The following CELF2 variants were observed in gnomAD, a reference collection of about 807,000 sequenced individuals.
CELF2 encodes the protein CUGBP Elav-like family member 2.
A neutral mutation model predicts 62.6 loss-of-function variants in CELF2; 8 were observed. The ratio of observed to expected loss-of-function variants is 0.13; its 90% confidence interval spans 0.07 to 0.23. The LOEUF is 0.23. Among genes scored for constraint, CELF2 ranks in the 10% least tolerant of loss-of-function variants. The pLI is 1.00. For synonymous variants in CELF2, 258 were observed against 250.0 expected (o/e 1.03, Z -0.30); for missense variants, 333 against 671.0 (o/e 0.50, Z 5.56).
chr10:10,495,636 A>G, the CELF2 span, among the ~76,000 whole-genome samples: 1 of 152,198 alleles, frequency 6.6e-6, no homozygotes, highest in Admixed American at 6.5e-5. Flanking sequence ...TCAAAAGATA[A>G]AAATCTCTGG....
intron 6 of CELF2, 101 bp downstream of exon 6, chr10:11,266,778 T>G: frequency 1.2e-6 from 1 of 836,000 alleles, no homozygotes; most frequent in Non-Finnish European, 1.9e-6. Flanking sequence ...CAATCACAGA[T>G]GTAAACTTTC....
chr10:11,293,660 C>T (rs996575591), intron 9 of CELF2, among the ~76,000 whole-genome samples: 1 of 152,194 alleles, frequency 6.6e-6, no homozygotes, highest in African/African-American at 2.4e-5. Context: ...GTCTGCAGGA[C>T]GGTGATGTGG....
the CELF2 span, among the ~76,000 whole-genome samples, chr10:10,508,168 CA>C: frequency 0.48 from 70,955 of 148,974 alleles, 16,752 homozygotes; most frequent in East Asian, 0.63. Context: ...CAGACAAATA[CA>C]AAAAAAAAAA....
In CELF2 at chr10:11,309,578, G is replaced by A. The variant is rs1565912277; in HGVS notation, c.977-4561G>A. On this transcript the variant is annotated intron_variant, in intron 9 of 12. Coordinates refer to ENST00000633077, the MANE Select transcript of CELF2 (RefSeq NM_001326342.2). The surrounding 1 kb of genome is among the most constrained non-coding windows in gnomAD (Gnocchi z 5.6). ...TTCAGTTGTTTGCGCTATTATTTTT[G>A]GCCCAGGAGCATAAATTGTCCCCAC... Among the ~76,000 whole-genome samples, 1 of 151,994 alleles carries A rather than the reference G, an allele frequency of 6.6e-6. No homozygotes were observed.
intron 1 of CELF2, among the ~76,000 whole-genome samples, chr10:10,801,403 C>T (rs765338910): frequency 6.6e-6 from 1 of 152,166 alleles, no homozygotes; most frequent in African/African-American, 2.4e-5. Flanking sequence ...CTTCATTTAA[C>T]GGTTTACTTG....
Position 10,891,145 on chromosome 10 carries a change from G to C in CELF2, c.54-28819G>C, listed in dbSNP as rs564009058. Among the ~76,000 whole-genome samples, 9 of 152,242 alleles carry C rather than the reference G, an allele frequency of 5.9e-5. No individual in the cohort carries two copies. The South Asian group carries it at 1.7e-3, about 28-fold the overall frequency. On this transcript the variant is annotated intron_variant, in intron 1 of 13. Transcript: ENST00000636488. ...GATTAGACATACAGACTCCAGCTAA[G>C]AACAAATGTAAGTAATTTTTGGATT... is the stretch of plus-strand genomic sequence containing the variant.
chr10:10,768,290 A>G, the CELF2 span, among the ~76,000 whole-genome samples: 1 of 152,134 alleles, frequency 6.6e-6, no homozygotes, highest in Non-Finnish European at 1.5e-5. Context: ...GAATGTATCT[A>G]AATAGCATCT....
At position 10,995,862 on chromosome 10, in the gene CELF2, C is replaced by T. The variant is rs2053894500; in HGVS notation, c.89+75863C>T. On this transcript the variant is annotated intron_variant, in intron 2 of 13. Coordinates refer to the CELF2 transcript ENST00000636488. This position sits in a 1 kb window ranked among gnomAD's most constrained non-coding sequence, Gnocchi z 4.7. ...CTCTCTGACAATGTAAACTCATGGGCATTCTAGTTTCTATATATTTATGTT... is the reference window on the plus strand; with the variant it reads ...CTCTCTGACAATGTAAACTCATGGGTATTCTAGTTTCTATATATTTATGTT... 6.6e-6 allele frequency among the ~76,000 whole-genome samples: 1 copy of T among 152,090 alleles called. No individual in the cohort carries two copies. The highest frequency in any genetic ancestry group is 1.5e-5 in the Non-Finnish European group (1 of 68,018).
chr10:10,508,647 A>T, the CELF2 span, among the ~76,000 whole-genome samples: 1 of 148,600 alleles, frequency 6.7e-6, no homozygotes, highest in Non-Finnish European at 1.5e-5. Context: ...CCTCACCCAG[A>T]TTTCTTAAAC....
the CELF2 span, among the ~76,000 whole-genome samples, chr10:10,590,449 A>G: frequency 1.3e-5 from 2 of 152,362 alleles, no homozygotes; most frequent in African/African-American, 4.8e-5. Flanking sequence ...ACTGGAGAGT[A>G]AGTTGTATAA....
intron 1 of CELF2, among the ~76,000 whole-genome samples, chr10:10,804,112 A>G (rs2054954450): frequency 6.6e-6 from 1 of 152,214 alleles, no homozygotes; most frequent in Admixed American, 6.5e-5. Context: ...ATCTATATGT[A>G]GTGTTGAGGT....
At chr10:11,103,487 A>ATTTTTTTTTTTTTTTTTTTTT (rs3054364) in intron 1 of CELF2, among the ~76,000 whole-genome samples, 24 of 119,736 alleles carry the variant, frequency 2.0e-4, no homozygotes, top group African/African-American at 6.6e-4. Flanking sequence ...TTGTAGCCTG[A>ATTTTTTTTTTTTTTTTTTTTT]TTTTTTTTTT....
rs75062685 is a variant in CELF2, at chr10:10,995,161, C to A, written c.89+75162C>A. 6.8e-4 allele frequency among the ~76,000 whole-genome samples: 103 copies of A among 152,318 alleles called. 1 individual carries two copies. In the East Asian group the frequency reaches 0.017, roughly 25 times the overall value. Reference sequence around the variant, plus strand: ...TTAAGGGCAGGAGCTATGCCCCGTGCCTCTTTTGAATCCTCCTTAGAGTAA... The same window carrying A: ...TTAAGGGCAGGAGCTATGCCCCGTGACTCTTTTGAATCCTCCTTAGAGTAA... On this transcript the variant is annotated intron_variant, in intron 2 of 13. Coordinates refer to the CELF2 transcript ENST00000636488. This position sits in a 1 kb window ranked among gnomAD's most constrained non-coding sequence, Gnocchi z 4.7.
rs532903436 is a variant in CELF2, at chr10:11,038,698, C to G, written c.74+20535C>G. On this transcript the variant is annotated intron_variant, in intron 1 of 12. Transcript: ENST00000633077. ...ACATTACACATATATATTTATAAAT[C>G]ATATATTACAAAAGATGGTAGGATA... is the stretch of plus-strand genomic sequence containing the variant. Among the ~76,000 whole-genome samples, 8 of 152,244 alleles carry G rather than the reference C, an allele frequency of 5.3e-5. No homozygotes were observed. In the East Asian group the frequency reaches 1.2e-3, roughly 22 times the overall value.
the CELF2 span, among the ~76,000 whole-genome samples, chr10:10,609,702 G>A: frequency 6.6e-6 from 1 of 152,174 alleles, no homozygotes; most frequent in African/African-American, 2.4e-5. Flanking sequence ...AGGAACAGAT[G>A]GGATGTAGGA....
At chr10:11,286,977 C>CA (rs1254939965) in intron 8 of CELF2, among the ~76,000 whole-genome samples, 1 of 152,174 alleles carries the variant, frequency 6.6e-6, no homozygotes, top group East Asian at 1.9e-4. Context: ...AGTGGAAATG[C>CA]ACCCTGGTTG....
In CELF2 at chr10:11,237,377, G is replaced by T. The variant is rs1565476032; in HGVS notation, c.355-11776G>T. 6.6e-6 allele frequency among the ~76,000 whole-genome samples: 1 copy of T among 152,194 alleles called. No individual in the cohort carries two copies. On this transcript the variant is annotated intron_variant, in intron 3 of 12. Coordinates refer to ENST00000633077, the MANE Select transcript of CELF2 (RefSeq NM_001326342.2). This position sits in a 1 kb window ranked among gnomAD's most constrained non-coding sequence, Gnocchi z 4.0. The stretch of plus-strand genomic sequence containing the variant: ...TCCAGCTTCTCAAGTTCTCTGTGGG[G>T]TACCCAGATTCAGGTCATTTCCTAT...
chr10:10,897,504 T>C (rs2062644516), intron 1 of CELF2, among the ~76,000 whole-genome samples: 1 of 151,850 alleles, frequency 6.6e-6, no homozygotes, highest in Admixed American at 6.6e-5. Flanking sequence ...GAAGGATGAG[T>C]ACTTGATTTG....
At chr10:10,542,940 G>T in the CELF2 span, among the ~76,000 whole-genome samples, 2 of 152,150 alleles carry the variant, frequency 1.3e-5, no homozygotes, top group Non-Finnish European at 2.9e-5. Flanking sequence ...TATATGACCA[G>T]GCCATTGTCA....
Sources: gnomAD v4.1 joint callset for allele counts (sites outside exome capture counted in the v4.1 genomes callset) on GRCh38, gnomAD v4.1.1 for gene constraint, Gnocchi (gnomAD v3.1) non-coding constraint, MANE v1.5 for transcripts, NCBI Gene and HGNC (gene_info 2026-07-23, HGNC 2026-07-21) for gene names.